CFAP43: variants seen among roughly 807,000 people sequenced by gnomAD.
The protein encoded by CFAP43 is cilia- and flagella-associated protein 43.
In CFAP43, 155 loss-of-function variants were observed where a neutral mutation model predicts 218.9. The observed-to-expected ratio is 0.71, with a 90% CI of 0.62 to 0.81. The LOEUF is 0.81. Among genes scored for constraint, CFAP43 ranks in the 30% least tolerant of loss-of-function variants. The pLI is 0.00. For missense variants in CFAP43, 1,778 were observed against 1,954.3 expected (o/e 0.91, Z 1.70); for synonymous variants, 645 against 681.3 (o/e 0.95, Z 0.83).
chr10:104,185,383 G>A (rs552808129), intron 15 of CFAP43, among the ~76,000 whole-genome samples: 12 of 152,102 alleles, frequency 7.9e-5, no homozygotes, highest in African/African-American at 2.9e-4. Context: ...GGAAGGACAG[G>A]GATTATTATC....
chr10:104,212,425 G>T (rs1184685825), intron 4 of CFAP43, among the ~76,000 whole-genome samples: 1 of 152,142 alleles, frequency 6.6e-6, no homozygotes, highest in Non-Finnish European at 1.5e-5. Flanking sequence ...CTGGATGAGG[G>T]TCGGGCAGGT....
At chr10:104,181,936 A>T (rs1338126944) in intron 17 of CFAP43, among the ~76,000 whole-genome samples, 2 of 152,058 alleles carry the variant, frequency 1.3e-5, no homozygotes, top group Non-Finnish European at 2.9e-5. Context: ...GGAAGCAGAA[A>T]TTTTTCTTTC....
chr10:104,166,810 T>C, intron 22 of CFAP43, 92 bp from the exon 23 acceptor site: 1 of 1,127,672 alleles, frequency 8.9e-7, no homozygotes, highest in Non-Finnish European at 1.3e-6. Context: ...TCAACAATCA[T>C]TTTAATTTGT....
At chr10:104,134,360 T>C (rs1193757005) in intron 34 of CFAP43, among the ~76,000 whole-genome samples, 2 of 152,196 alleles carry the variant, frequency 1.3e-5, no homozygotes, top group East Asian at 3.9e-4. Context: ...TTCATGCCAC[T>C]GCACTCCAGC....
At chr10:104,133,579 G>T in intron 35 of CFAP43, 41 bp downstream of exon 35, 1 of 1,567,844 alleles carries the variant, frequency 6.4e-7, no homozygotes, top group Non-Finnish European at 8.6e-7. Context: ...ATACATTAAT[G>T]AATAAAATTA....
intron 12 of CFAP43, among the ~76,000 whole-genome samples, chr10:104,188,625 C>T (rs2090109283): frequency 6.6e-6 from 1 of 152,152 alleles, no homozygotes; most frequent in African/African-American, 2.4e-5. Flanking sequence ...TCTAGACTGG[C>T]AGATTTAAAC....
rs397847319 is a variant in CFAP43 at position 104,191,792 on chromosome 10, G to A, written c.1546+407C>T. Among the ~76,000 whole-genome samples the A allele has an allele frequency of 8.5e-3, 367 of 43,406 alleles. 2 individuals are homozygous for A. Among genetic ancestry groups the A allele is most frequent in the East Asian group, 0.024 (43 of 1,798 alleles). The allele number at this position is 43,406 out of a possible 152,430, so 28.5% of individuals were successfully genotyped here. ...ATTTTAAAAAAAATTGTGTGTGTGG[G>A]GGGGGGGAAACACATATACAGTTGG... On this transcript the variant is annotated intron_variant, in intron 12 of 37. Transcript: ENST00000357060.
chr10:104,142,119 A>G (rs1355049137), intron 33 of CFAP43, among the ~76,000 whole-genome samples, 162 bp downstream of exon 33: 3 of 152,256 alleles, frequency 2.0e-5, no homozygotes, highest in Non-Finnish European at 2.9e-5. Flanking sequence ...ATCAAGGTCT[A>G]TGTAACAAAG....
chr10:104,187,493 C>T lies in CFAP43; in HGVS notation c.1688-1G>A, dbSNP rs2090068942. On this transcript the variant is annotated splice_acceptor_variant, in intron 13 of 37. Transcript: ENST00000357060. LOFTEE classifies it high-confidence loss of function. ...CTTTCATCAGCAAAGGTTGTGGAAA[C>T]TATTAGATTTGGAAAAAGAAGAGAA... 1 of 1,543,928 alleles carries T rather than the reference C, an allele frequency of 6.5e-7. No homozygotes were observed. Among genetic ancestry groups the T allele is most frequent in the Non-Finnish European group, 8.7e-7 (1 of 1,150,862 alleles).
At chr10:104,215,944 T>A (rs2091000753) in intron 3 of CFAP43, among the ~76,000 whole-genome samples, 2 of 152,120 alleles carry the variant, frequency 1.3e-5, no homozygotes, top group Non-Finnish European at 2.9e-5. Flanking sequence ...CAGTCTTGCC[T>A]TCTTAGGGAC....
intron 12 of CFAP43, among the ~76,000 whole-genome samples, chr10:104,190,646 G>C (rs1276462574): frequency 1.3e-5 from 2 of 152,152 alleles, no homozygotes; most frequent in Non-Finnish European, 1.5e-5. Context: ...TCAACCTCTA[G>C]AACTTTCAAC....
At chr10:104,193,610 G>T (rs1018969091) in intron 11 of CFAP43, 32 of 402,272 alleles carry the variant, frequency 8.0e-5, no homozygotes, top group Non-Finnish European at 1.2e-4. Context: ...ATTATGTTTT[G>T]CTTGTTCATG....
chr10:104,180,756 A>G (rs886926950), intron 17 of CFAP43, among the ~76,000 whole-genome samples: 2 of 151,602 alleles, frequency 1.3e-5, no homozygotes, highest in African/African-American at 4.8e-5. Context: ...CCGGCCCACC[A>G]CCCTGTTTCT....
Position 104,142,298 on chromosome 10 carries a change from C to A in CFAP43, c.4254G>T (p.Val1418=). 6.2e-7 allele frequency: 1 copy of A among 1,612,718 alleles called. No individual in the cohort carries two copies. Among genetic ancestry groups the A allele is most frequent in the Non-Finnish European group, 8.5e-7 (1 of 1,179,380 alleles). ...CAAATTACAGGATGAGTTCATGGAA[C>A]ACTCTCTCAATCTCCTGTTGCACCT... ...EEKVQQEIER[V]FHELILLQEE... The change falls in exon 33 of 38, where the codon GTG becomes GTT. Residue 1418 remains valine (V), a synonymous_variant. Coordinates refer to ENST00000357060, the MANE Select transcript of CFAP43 (RefSeq NM_025145.7).
rs397847319 is a variant in CFAP43 at position 104,191,792 on chromosome 10, G to T, written c.1546+407C>A. ...ATTTTAAAAAAAATTGTGTGTGTGG[G>T]GGGGGGGAAACACATATACAGTTGG... On this transcript the variant is annotated intron_variant, in intron 12 of 37. Transcript: ENST00000357060. Among the ~76,000 whole-genome samples the T allele has an allele frequency of 5.3e-3, 228 of 43,406 alleles. 2 individuals carry two copies. The highest frequency in any genetic ancestry group is 0.035 in the African/African-American group (188 of 5,342). The allele number at this position is 43,406 out of a possible 152,430, so 28.5% of individuals were successfully genotyped here. A position where few individuals can be genotyped will look rare whatever the true frequency, so the allele number is the denominator to read the frequency against.
At position 104,203,816 on chromosome 10, in the gene CFAP43, G is replaced by A. The variant is rs1178090982; in HGVS notation, c.964-13C>T. On this transcript the variant is annotated splice_polypyrimidine_tract_variant and intron_variant, in intron 7 of 37. Coordinates refer to ENST00000357060, the MANE Select transcript of CFAP43 (RefSeq NM_025145.7). ...ACACAAAGCCATCCTAGAGATGAGTGAGATAAACATAGAAAATCAGTCTTA... is the reference window on the plus strand; with the variant it reads ...ACACAAAGCCATCCTAGAGATGAGTAAGATAAACATAGAAAATCAGTCTTA... 6.3e-7 allele frequency: 1 copy of A among 1,586,914 alleles called. No homozygotes were observed. The highest frequency in any genetic ancestry group is 1.2e-5 in the South Asian group (1 of 85,164).
At chr10:104,217,529 C>T (rs899171701) in intron 3 of CFAP43, among the ~76,000 whole-genome samples, 2 of 152,154 alleles carry the variant, frequency 1.3e-5, no homozygotes, top group African/African-American at 4.8e-5. Context: ...GGACCCACTC[C>T]GGCACCCATG....
At chr10:104,168,876 A>G (rs370859570) in intron 20 of CFAP43, 28 bp from the exon 21 acceptor site, 2 of 1,555,594 alleles carry the variant, frequency 1.3e-6, no homozygotes, top group Non-Finnish European at 1.8e-6. Context: ...AAGGGAAAAG[A>G]TAAAAATGAA....
At chr10:104,211,370 AGT>A (rs1433706868) in intron 5 of CFAP43, among the ~76,000 whole-genome samples, 3 of 152,228 alleles carry the variant, frequency 2.0e-5, no homozygotes, top group African/African-American at 7.2e-5. Flanking sequence ...TGCTTAAAAC[AGT>A]GTCTGCTCCA....
Sources: gnomAD v4.1 joint callset for allele counts (sites outside exome capture counted in the v4.1 genomes callset) on GRCh38, gnomAD v4.1.1 for gene constraint, MANE v1.5 for transcripts, NCBI Gene and HGNC (gene_info 2026-07-23, HGNC 2026-07-21) for gene names.